Variants in SORCS3 observed in about 807,000 individuals in gnomAD.
SORCS3 encodes the protein VPS10 domain-containing receptor SorCS3.
Under a neutral mutation model 146.3 loss-of-function variants are expected in SORCS3, and 57 were observed. That is an observed-to-expected ratio of 0.39 (90% confidence interval 0.31 to 0.49). The LOEUF (loss-of-function observed/expected upper bound fraction) is 0.49, where lower values mean the gene tolerates loss of function less well. Among genes scored for constraint, SORCS3 ranks in the 20% least tolerant of loss-of-function variants. The pLI is 0.92. For synonymous variants in SORCS3, 653 were observed against 618.5 expected (o/e 1.06, Z -0.83); for missense variants, 1,341 against 1,575.5 (o/e 0.85, Z 2.52).
At chr10:105,054,680 G>A (rs2055435020) in intron 5 of SORCS3, among the ~76,000 whole-genome samples, 1 of 151,688 alleles carries the variant, frequency 6.6e-6, no homozygotes, top group African/African-American at 2.4e-5. Context: ...ATAAACTCTG[G>A]TCAGAGGTTA....
At position 105,035,912 on chromosome 10, in the gene SORCS3, T is replaced by G. The variant is rs2055303182; in HGVS notation, c.955-7143T>G. Among the ~76,000 whole-genome samples, 3 of 152,240 alleles carry G rather than the reference T, an allele frequency of 2.0e-5. No individual in the cohort carries two copies. The South Asian group carries it at 6.2e-4, about 32-fold the overall frequency. ...GCATCTACCTACGTTGTTCTGCTTT[T>G]ATAGCCTTTGCTGTCACAGCTCATT... On this transcript the variant is annotated intron_variant, in intron 4 of 26. Coordinates refer to ENST00000369701, the MANE Select transcript of SORCS3 (RefSeq NM_014978.3).
chr10:104,808,141 T>TG (rs1160276210), intron 1 of SORCS3, among the ~76,000 whole-genome samples: 1 of 152,172 alleles, frequency 6.6e-6, no homozygotes, highest in Non-Finnish European at 1.5e-5. Context: ...ATTTTCCAAA[T>TG]GGTTGCCAGT....
intron 20 of SORCS3, among the ~76,000 whole-genome samples, chr10:105,225,190 T>A (rs1262357259): frequency 6.6e-6 from 1 of 152,116 alleles, no homozygotes; most frequent in Non-Finnish European, 1.5e-5. Flanking sequence ...TCCTATGTTG[T>A]CTTCTAGGAG....
chr10:104,674,035 T>G (rs1460303324), intron 1 of SORCS3, among the ~76,000 whole-genome samples: 1 of 152,224 alleles, frequency 6.6e-6, no homozygotes, highest in Non-Finnish European at 1.5e-5. Context: ...TTTCAACACC[T>G]GATTACGCTG....
intron 22 of SORCS3, among the ~76,000 whole-genome samples, chr10:105,252,498 C>T (rs1339868890): frequency 6.6e-6 from 1 of 152,144 alleles, no homozygotes; most frequent in African/African-American, 2.4e-5. Context: ...TGCCAATGTT[C>T]CCAGCAAATA....
At chr10:105,221,415 A>G (rs2056701858) in intron 19 of SORCS3, among the ~76,000 whole-genome samples, 1 of 152,224 alleles carries the variant, frequency 6.6e-6, no homozygotes, top group Non-Finnish European at 1.5e-5. Flanking sequence ...GTAGTGGTAG[A>G]AATCATGACA....
At chr10:104,968,569 A>T (rs969320150) in intron 3 of SORCS3, among the ~76,000 whole-genome samples, 6 of 152,212 alleles carry the variant, frequency 3.9e-5, no homozygotes, top group Non-Finnish European at 7.3e-5. Context: ...TGCAGTTCTC[A>T]TGTCAGGACA....
At chr10:104,910,717 AAAT>A (rs2018958074) in intron 2 of SORCS3, among the ~76,000 whole-genome samples, 2 of 152,210 alleles carry the variant, frequency 1.3e-5, no homozygotes, top group Admixed American at 6.5e-5. Flanking sequence ...TGTGTGCTGG[AAAT>A]AATAAGAAAA....
intron 6 of SORCS3, among the ~76,000 whole-genome samples, chr10:105,100,725 C>T (rs897555754): frequency 2.0e-5 from 3 of 152,172 alleles, no homozygotes; most frequent in Admixed American, 2.0e-4. Context: ...TTTCAATTCT[C>T]CACAACAAAA....
chr10:104,646,264 C>G (rs1337467041), intron 1 of SORCS3, among the ~76,000 whole-genome samples: 1 of 152,074 alleles, frequency 6.6e-6, no homozygotes, highest in Non-Finnish European at 1.5e-5. Flanking sequence ...GTTGCAGATT[C>G]CTTAATTGGG....
At chr10:104,924,961 A>G (rs1432677295) in intron 3 of SORCS3, among the ~76,000 whole-genome samples, 1 of 152,228 alleles carries the variant, frequency 6.6e-6, no homozygotes, top group African/African-American at 2.4e-5. Context: ...CAGGTTTGTT[A>G]CATAGGTATA....
chr10:105,185,941 G>A (rs761887280), intron 14 of SORCS3, among the ~76,000 whole-genome samples: 5 of 151,986 alleles, frequency 3.3e-5, no homozygotes, highest in Non-Finnish European at 5.9e-5. Context: ...TATCTATCTG[G>A]GGTCATATCC....
chr10:105,228,320 T>C (rs995109211), intron 20 of SORCS3, among the ~76,000 whole-genome samples: 1 of 151,678 alleles, frequency 6.6e-6, no homozygotes, highest in Non-Finnish European at 1.5e-5. Context: ...TGCCCTGCCC[T>C]CCATCACTCC....
At chr10:104,737,699 C>T (rs1308914192) in intron 1 of SORCS3, among the ~76,000 whole-genome samples, 7 of 151,946 alleles carry the variant, frequency 4.6e-5, no homozygotes, top group African/African-American at 1.5e-4. Context: ...GAGTAGGTTG[C>T]GAAAATTTTC....
intron 1 of SORCS3, among the ~76,000 whole-genome samples, chr10:104,678,348 C>G (rs182234197): frequency 6.6e-6 from 1 of 152,066 alleles, no homozygotes; most frequent in Admixed American, 6.6e-5. Context: ...TGTGTAAGCA[C>G]GTACACATCC....
chr10:105,016,087 C>T (rs1204932236), intron 4 of SORCS3, among the ~76,000 whole-genome samples: 4 of 144,428 alleles, frequency 2.8e-5, no homozygotes, highest in African/African-American at 7.8e-5. Context: ...TTGTTTGTTT[C>T]ATAACTTAAA....
intron 5 of SORCS3, among the ~76,000 whole-genome samples, chr10:105,065,518 A>T (rs2055517156): frequency 6.6e-6 from 1 of 151,992 alleles, no homozygotes; most frequent in South Asian, 2.1e-4. Flanking sequence ...CTCTAATTGG[A>T]TGGGGGTAGA....
intron 14 of SORCS3, among the ~76,000 whole-genome samples, chr10:105,183,898 G>A (rs1179087423): frequency 2.0e-5 from 3 of 152,204 alleles, no homozygotes; most frequent in Non-Finnish European, 2.9e-5. Context: ...GTGACTGAGA[G>A]CATGGGCTTT....
chr10:105,180,473 A>G (rs2056436524), intron 14 of SORCS3, among the ~76,000 whole-genome samples: 1 of 152,258 alleles, frequency 6.6e-6, no homozygotes, highest in Non-Finnish European at 1.5e-5. Context: ...AACAAAGGTA[A>G]GAACCATGAA....
Sources: allele counts gnomAD v4.1 joint callset (sites outside exome capture counted in the v4.1 genomes callset), GRCh38; gene constraint gnomAD v4.1.1; transcripts MANE v1.5; gene names NCBI Gene and HGNC (gene_info 2026-07-23, HGNC 2026-07-21).